The following ULK4 variants were observed in gnomAD, a reference collection of about 807,000 sequenced individuals.
The protein encoded by ULK4 is unc-51 like kinase 4.
In ULK4, 133 loss-of-function variants were observed where a neutral mutation model predicts 160.6. The ratio of observed to expected loss-of-function variants is 0.83; its 90% CI spans 0.72 to 0.96. The LOEUF (loss-of-function observed/expected upper bound fraction) is 0.96. ULK4 is among the 40% of genes least tolerant of loss of function. The probability of loss-of-function intolerance (pLI) is 0.00; values close to 1 mark genes in which losing one functional copy is unlikely to be tolerated. For missense variants in ULK4, 1,580 were observed against 1,499.5 expected, an observed-to-expected ratio of 1.05 and a Z score of -0.89; for synonymous variants, 534 against 539.8, an observed-to-expected ratio of 0.99 and a Z score of 0.15.
At chr3:41,258,097 G>A (rs1351441775) in intron 35 of ULK4, among the ~76,000 whole-genome samples, 2 of 152,148 alleles carry the variant, frequency 1.3e-5, no homozygotes, top group Non-Finnish European at 2.9e-5. Context: ...TTAGGCCGCT[G>A]AAGGTTGTAA....
chr3:41,737,420 A>C (rs1016138616), intron 22 of ULK4, among the ~76,000 whole-genome samples: 1 of 151,858 alleles, frequency 6.6e-6, no homozygotes, highest in Non-Finnish European at 1.5e-5. Context: ...AATCAATATC[A>C]TGAAAATGGC....
intron 32 of ULK4, among the ~76,000 whole-genome samples, chr3:41,471,934 CA>C (rs201968512): frequency 0.3 from 39,556 of 130,974 alleles, 5,464 homozygotes; most frequent in South Asian, 0.39. Context: ...TGTTATATCT[CA>C]AAAAAAAAAA....
intron 21 of ULK4, among the ~76,000 whole-genome samples, chr3:41,773,542 C>G (rs1389875931): frequency 2.0e-5 from 3 of 152,082 alleles, no homozygotes; most frequent in African/African-American, 7.3e-5. Flanking sequence ...TCAAGGAGAA[C>G]TACAAACCAC....
intron 32 of ULK4, among the ~76,000 whole-genome samples, chr3:41,501,861 CCAT>C (rs1223397444): frequency 2.0e-5 from 3 of 152,180 alleles, no homozygotes; most frequent in South Asian, 2.1e-4. Context: ...CCTGCCACCA[CCAT>C]AATACCTGGT....
At chr3:41,528,626 G>C (rs1472378190) in intron 32 of ULK4, among the ~76,000 whole-genome samples, 1 of 152,134 alleles carries the variant, frequency 6.6e-6, no homozygotes, top group East Asian at 1.9e-4. Context: ...GCATTAATAT[G>C]AACATCAAGA....
intron 31 of ULK4, among the ~76,000 whole-genome samples, chr3:41,601,375 C>T (rs1248367661): frequency 6.6e-6 from 1 of 152,076 alleles, no homozygotes; most frequent in Non-Finnish European, 1.5e-5. Flanking sequence ...AGACACATCT[C>T]CTTTATGGAA....
rs141862291 is a variant in ULK4, at chr3:41,925,183, G to A, written c.542-5365C>T. On this transcript the variant is annotated intron_variant, in intron 5 of 36. Transcript: ENST00000301831. ...TCAATGAAGAAGGCAGGTGACTTAC[G>A]CATTACCAACTGAGGTACCAGGTTC... 5.8e-3 allele frequency among the ~76,000 whole-genome samples: 880 copies of A among 152,272 alleles called. 5 individuals carry two copies. Among genetic ancestry groups the A allele is most frequent in the Non-Finnish European group, 9.6e-3 (656 of 68,012 alleles).
intron 31 of ULK4, among the ~76,000 whole-genome samples, chr3:41,599,626 G>A (rs946837720): frequency 2.7e-5 from 4 of 147,560 alleles, no homozygotes; most frequent in South Asian, 2.1e-4. Context: ...GTTCAGTGGC[G>A]CGATCTCGGC....
chr3:41,918,834 C>T (rs1227895482), intron 6 of ULK4, among the ~76,000 whole-genome samples: 1 of 152,064 alleles, frequency 6.6e-6, no homozygotes, highest in African/African-American at 2.4e-5. Flanking sequence ...ATCTCCTGAC[C>T]TCGTGATCCG....
chr3:41,595,189 T>C (rs544644724), intron 31 of ULK4, among the ~76,000 whole-genome samples: 2 of 152,276 alleles, frequency 1.3e-5, no homozygotes, highest in South Asian at 2.1e-4. Context: ...GCTCTACAGA[T>C]GTGCAGGCCA....
intron 34 of ULK4, among the ~76,000 whole-genome samples, chr3:41,447,319 G>A (rs73071168): frequency 0.13 from 19,729 of 152,076 alleles, 1,660 homozygotes; most frequent in Admixed American, 0.19. Context: ...AAGAAGACAG[G>A]AGAATGCTGG....
At chr3:41,721,733 A>G (rs576664625) in intron 22 of ULK4, among the ~76,000 whole-genome samples, 4 of 152,022 alleles carry the variant, frequency 2.6e-5, no homozygotes, top group East Asian at 3.9e-4. Flanking sequence ...TCTAGGAGAT[A>G]TAATGCTCAA....
intron 35 of ULK4, among the ~76,000 whole-genome samples, chr3:41,328,735 T>C (rs975153612): frequency 6.6e-6 from 1 of 151,890 alleles, no homozygotes; most frequent in Non-Finnish European, 1.5e-5. Flanking sequence ...ATTGAACTGA[T>C]CCCCCAGGCA....
intron 22 of ULK4, among the ~76,000 whole-genome samples, chr3:41,742,033 G>A (rs2038255744): frequency 6.6e-6 from 1 of 151,858 alleles, no homozygotes; most frequent in Admixed American, 6.6e-5. Flanking sequence ...CCTAACAACA[G>A]AAATTCTTTC....
intron 30 of ULK4, among the ~76,000 whole-genome samples, chr3:41,655,524 T>C (rs995501235): frequency 8.5e-5 from 13 of 152,084 alleles, no homozygotes; most frequent in African/African-American, 2.9e-4. Context: ...ACTTAAAGTA[T>C]AATAAAAATA....
chr3:41,408,137 A>AT (rs1442886164), intron 34 of ULK4, among the ~76,000 whole-genome samples: 1 of 151,746 alleles, frequency 6.6e-6, no homozygotes, highest in African/African-American at 2.4e-5. Context: ...CAAAAAATAA[A>AT]AAAAAATTAG....
intron 31 of ULK4, among the ~76,000 whole-genome samples, chr3:41,581,925 G>A (rs1198162213): frequency 6.6e-6 from 1 of 152,210 alleles, no homozygotes; most frequent in Non-Finnish European, 1.5e-5. Flanking sequence ...TCTTGCGGTT[G>A]AGTGAAATGG....
At chr3:41,277,316 G>T (rs1307837854) in intron 35 of ULK4, among the ~76,000 whole-genome samples, 1 of 152,060 alleles carries the variant, frequency 6.6e-6, no homozygotes, top group African/African-American at 2.4e-5. Flanking sequence ...ACTACAGACC[G>T]ATATCCCTGA....
chr3:41,724,671 C>G (rs2037588188), intron 22 of ULK4, among the ~76,000 whole-genome samples: 1 of 151,892 alleles, frequency 6.6e-6, no homozygotes, highest in Admixed American at 6.6e-5. Context: ...TGCAGTGAGC[C>G]AAGATTGCAC....
Sources: allele counts gnomAD v4.1 joint callset (sites outside exome capture counted in the v4.1 genomes callset), GRCh38; gene constraint gnomAD v4.1.1; transcripts MANE v1.5; gene names NCBI Gene and HGNC (gene_info 2026-07-23, HGNC 2026-07-21).